The following ZHX3 variants were observed in gnomAD, a reference collection of about 807,000 sequenced individuals.
ZHX3 encodes zinc fingers and homeoboxes 3, also known as zinc fingers and homeoboxes protein 3.
Under a neutral mutation model 64.5 loss-of-function variants are expected in ZHX3, and 20 were observed. The observed-to-expected ratio is 0.31, with a 90% confidence interval of 0.22 to 0.45. ZHX3 has a LOEUF of 0.45. Among genes scored for constraint, ZHX3 ranks in the 20% least tolerant of loss-of-function variants. The pLI is 1.00. For synonymous variants in ZHX3, 423 were observed against 461.6 expected, an observed-to-expected ratio of 0.92 and a Z score of 1.07; for missense variants, 1,041 against 1,195.8, an observed-to-expected ratio of 0.87 and a Z score of 1.91.
intron 2 of ZHX3, among the ~76,000 whole-genome samples, chr20:41,223,302 G>A (rs2040067044): frequency 6.6e-6 from 1 of 152,188 alleles, no homozygotes; most frequent in African/African-American, 2.4e-5. Flanking sequence ...ACCAGATTCT[G>A]CCTCTAGGAA....
At chr20:41,281,555 G>C (rs2043676033) in intron 1 of ZHX3, among the ~76,000 whole-genome samples, 1 of 152,154 alleles carries the variant, frequency 6.6e-6, no homozygotes, top group Admixed American at 6.5e-5. Context: ...AAAATAGCTG[G>C]GAGTAGGAAA....
At position 41,201,410 on chromosome 20, in the gene ZHX3, G is replaced by GTTATT; in HGVS notation, c.2860+646_2860+647insAATAA. On this transcript the variant is annotated intron_variant, in intron 3 of 3. Coordinates refer to ENST00000683867, the MANE Select transcript of ZHX3 (RefSeq NM_001384317.1). This position sits in a 1 kb window ranked among gnomAD's most constrained non-coding sequence, Gnocchi z 5.0. Reference sequence around the variant, plus strand: ...CTAGAAAATCAACACGTAATAACATGACTTGTCTGTGGCTTCAAAACTATG... The same window carrying GTTATT: ...CTAGAAAATCAACACGTAATAACATGTTATTACTTGTCTGTGGCTTCAAAACTATG... 1 of 1,282,094 alleles carries GTTATT rather than the reference G, an allele frequency of 7.8e-7. No individual in the cohort carries two copies. The highest frequency in any genetic ancestry group is 1.0e-6 in the Non-Finnish European group (1 of 968,820). The allele number at this position is 1,282,094 out of a possible 1,614,324, so 79.4% of individuals were successfully genotyped here. A position where few individuals can be genotyped will look rare whatever the true frequency, so the allele number is the denominator to read the frequency against.
At chr20:41,295,711 CGTGGTAG>C (rs1568955605) in intron 1 of ZHX3, among the ~76,000 whole-genome samples, 8 of 152,016 alleles carry the variant, frequency 5.3e-5, no homozygotes, top group African/African-American at 1.9e-4. Flanking sequence ...GTTAGCCAGG[CGTGGTAG>C]CGGGCACCTG....
intron 1 of ZHX3, among the ~76,000 whole-genome samples, chr20:41,315,912 C>G (rs531030509): frequency 1.3e-5 from 2 of 150,498 alleles, no homozygotes; most frequent in African/African-American, 4.9e-5. Context: ...AGTTTTCTGC[C>G]TTAAACATGA....
chr20:41,292,343 A>G (rs1382075490), intron 1 of ZHX3, among the ~76,000 whole-genome samples: 1 of 152,230 alleles, frequency 6.6e-6, no homozygotes, highest in Non-Finnish European at 1.5e-5. Context: ...CCAGGTCACA[A>G]TGAGCTCTAC....
intron 2 of ZHX3, among the ~76,000 whole-genome samples, chr20:41,234,665 T>C (rs1183284476): frequency 2.0e-5 from 3 of 152,182 alleles, no homozygotes; most frequent in Non-Finnish European, 4.4e-5. Context: ...CCGATTACAG[T>C]GTAAAAATAG....
intron 1 of ZHX3, among the ~76,000 whole-genome samples, chr20:41,308,292 C>T (rs1393444271): frequency 6.6e-6 from 1 of 152,156 alleles, no homozygotes; most frequent in Non-Finnish European, 1.5e-5. Flanking sequence ...TTTTCTAGGC[C>T]TCATGATGTA....
At chr20:41,266,914 G>A (rs944561837) in intron 2 of ZHX3, among the ~76,000 whole-genome samples, 4 of 137,564 alleles carry the variant, frequency 2.9e-5, no homozygotes, top group South Asian at 2.3e-4. Flanking sequence ...GTGCCGTCTC[G>A]GCTCACTGCA....
rs1475511757 is a variant in ZHX3, at chr20:41,203,309, T to C, written c.1608A>G (p.Arg536=). 12 of 1,614,182 alleles carry C rather than the reference T, an allele frequency of 7.4e-6. No individual in the cohort carries two copies. The highest frequency in any genetic ancestry group is 1.0e-5 in the Non-Finnish European group (12 of 1,180,028). The part of the protein sequence containing the change: ...HLTKVTGLST[R]EVRKWFSDRR... ...GATCACTGAACCATTTCCGCACCTC[T>C]CTGGTACTGAGGCCCGTCACTTTTG... The change falls in exon 3 of 4, where the codon AGA becomes AGG. Residue 536 remains arginine, a synonymous_variant. Coordinates refer to ENST00000683867, the MANE Select transcript of ZHX3 (RefSeq NM_001384317.1). This position sits in a 1 kb window ranked among gnomAD's most constrained non-coding sequence, Gnocchi z 7.1.
rs978828079 is a variant in ZHX3 at position 41,232,730 on chromosome 20, C to G, written c.-150-27664G>C. 6.6e-6 allele frequency among the ~76,000 whole-genome samples: 1 copy of G among 152,056 alleles called. No individual in the cohort carries two copies. Among genetic ancestry groups the G allele is most frequent in the East Asian group, 1.9e-4 (1 of 5,184 alleles). On this transcript the variant is annotated intron_variant, in intron 2 of 3. Transcript: ENST00000683867. The surrounding 1 kb of genome is among the most constrained non-coding windows in gnomAD (Gnocchi z 5.0). ...TCAGCCTCCCGCGGGGGACTACAGGCGCCCACCACCTCGCCCGGCTAATTT... is the reference window on the plus strand; with the variant it reads ...TCAGCCTCCCGCGGGGGACTACAGGGGCCCACCACCTCGCCCGGCTAATTT...
rs1351435457 is a variant in ZHX3, at chr20:41,185,002, T to C, written c.*189A>G. ...ATGAGAACCCCATCTTGCTTGCTGC[T>C]TGCTTGGTGGTGGGCAGGCCGAGGG... On this transcript the variant is annotated 3_prime_UTR_variant, in exon 4 of 4. Coordinates refer to ENST00000683867, the MANE Select transcript of ZHX3 (RefSeq NM_001384317.1). The surrounding 1 kb of genome is among the most constrained non-coding windows in gnomAD (Gnocchi z 5.0). 5 of 1,551,250 alleles carry C rather than the reference T, an allele frequency of 3.2e-6. No individual in the cohort carries two copies. Among genetic ancestry groups the C allele is most frequent in the Non-Finnish European group, 4.4e-6 (5 of 1,147,004 alleles).
Position 41,303,311 on chromosome 20 carries a change from T to A in ZHX3, c.-245+14198A>T, listed in dbSNP as rs573977455. ...GGGTGCTAGAATGAAACAAAAAGGATAGGTAGTCTAGTAGAACTGATAAAA... is the reference window on the plus strand; with the variant it reads ...GGGTGCTAGAATGAAACAAAAAGGAAAGGTAGTCTAGTAGAACTGATAAAA... On this transcript the variant is annotated intron_variant, in intron 1 of 3. Coordinates refer to ENST00000683867, the MANE Select transcript of ZHX3 (RefSeq NM_001384317.1). Among the ~76,000 whole-genome samples, 12 of 152,288 alleles carry A rather than the reference T, an allele frequency of 7.9e-5. No homozygotes were observed. In the South Asian group the frequency reaches 8.3e-4, roughly 11 times the overall value.
chr20:41,296,703 A>T (rs1456914639), intron 1 of ZHX3, among the ~76,000 whole-genome samples: 2 of 152,208 alleles, frequency 1.3e-5, no homozygotes, highest in Non-Finnish European at 1.5e-5. Flanking sequence ...TCACATCAAC[A>T]GGTCCCTATG....
chr20:41,284,440 A>G (rs1330024194), intron 1 of ZHX3, among the ~76,000 whole-genome samples: 1 of 152,098 alleles, frequency 6.6e-6, no homozygotes, highest in African/African-American at 2.4e-5. Context: ...AACCAGAATC[A>G]TCATCTCCCT....
At chr20:41,305,539 C>A (rs1276396460) in intron 1 of ZHX3, among the ~76,000 whole-genome samples, 4 of 152,002 alleles carry the variant, frequency 2.6e-5, no homozygotes, top group Non-Finnish European at 5.9e-5. Context: ...AATCTCAGCA[C>A]TTTGGGAGGC....
chr20:41,290,507 G>A (rs1236139418), intron 1 of ZHX3: 1 of 152,182 alleles, frequency 6.6e-6, no homozygotes, highest in African/African-American at 2.4e-5. Context: ...CCTAACTCCT[G>A]GGCTAAAGCG....
At chr20:41,309,530 T>C (rs994116095) in intron 1 of ZHX3, among the ~76,000 whole-genome samples, 2 of 152,224 alleles carry the variant, frequency 1.3e-5, no homozygotes, top group East Asian at 1.9e-4. Context: ...ATGCCTCTAG[T>C]GCTGCCCTCT....
intron 2 of ZHX3, among the ~76,000 whole-genome samples, chr20:41,239,025 C>T (rs1365163845): frequency 1.0e-4 from 10 of 98,922 alleles, no homozygotes; most frequent in East Asian, 6.4e-4. Context: ...TTTTGGGAGA[C>T]GGAGTCTTGC....
At chr20:41,235,862 C>T (rs562357393) in intron 2 of ZHX3, among the ~76,000 whole-genome samples, 48 of 151,858 alleles carry the variant, frequency 3.2e-4, no homozygotes, top group Admixed American at 3.0e-3. Flanking sequence ...GATTGTATAT[C>T]TAGAAAACCC....
Sources: gnomAD v4.1 joint callset for allele counts (sites outside exome capture counted in the v4.1 genomes callset) on GRCh38, gnomAD v4.1.1 for gene constraint, Gnocchi (gnomAD v3.1) non-coding constraint, MANE v1.5 for transcripts, NCBI Gene and HGNC (gene_info 2026-07-23, HGNC 2026-07-21) for gene names.